Variants in MEAF6 observed in about 807,000 individuals in gnomAD.
MEAF6 encodes MYST/Esa1 associated factor 6, also known as chromatin modification-related protein MEAF6.
Under a neutral mutation model 28.9 loss-of-function variants are expected in MEAF6, and 15 were observed. The ratio of observed to expected loss-of-function variants is 0.52; its 90% confidence interval spans 0.35 to 0.80. MEAF6 has a LOEUF of 0.80. Among genes scored for constraint, MEAF6 ranks in the 30% least tolerant of loss-of-function variants. The pLI is 0.01. For missense variants in MEAF6, 178 were observed against 237.5 expected (o/e 0.75, Z 1.65); for synonymous variants, 97 against 88.7 (o/e 1.09, Z -0.53).
intron 5 of MEAF6, among the ~76,000 whole-genome samples, chr1:37,497,452 C>T (rs893320024): frequency 2.6e-5 from 4 of 152,158 alleles, no homozygotes; most frequent in Non-Finnish European, 4.4e-5. Flanking sequence ...AATGAATAAA[C>T]TTCAGTGGTG....
At chr1:37,501,779 C>T (rs367826802) in intron 5 of MEAF6, 25 bp downstream of exon 5, 33 of 1,530,462 alleles carry the variant, frequency 2.2e-5, no homozygotes, top group Non-Finnish European at 2.7e-5. Context: ...ATGGGAGCTG[C>T]GGGGGTGGGA....
rs1641939702 is a variant in MEAF6, at chr1:37,491,786, T to C, written c.*2313A>G. ...AGCAGTACTATTCTGTCTCCAGCAA[T>C]GTCAAACTATGAGAGTCAAAAATAT... On this transcript the variant is annotated 3_prime_UTR_variant, in exon 7 of 7. Transcript: ENST00000296214. Among the ~76,000 whole-genome samples the C allele has an allele frequency of 1.3e-5, 2 of 151,844 alleles. No individual in the cohort carries two copies. The highest frequency in any genetic ancestry group is 6.6e-5 in the Admixed American group (1 of 15,256).
intron 6 of MEAF6, among the ~76,000 whole-genome samples, 169 bp downstream of exon 6, chr1:37,495,716 A>AAAAAAAAAAAACAAAAAAAAAAAC (rs1557603988): frequency 2.3e-5 from 3 of 129,708 alleles, no homozygotes; most frequent in Non-Finnish European, 5.2e-5. Flanking sequence ...AAAAAAAAAA[A>AAAAAAAAAAAACAAAAAAAAAAAC]AAACAAAAAA....
intron 4 of MEAF6, among the ~76,000 whole-genome samples, chr1:37,504,800 TACAC>T (rs143477333): frequency 0.055 from 7,385 of 135,152 alleles, 298 homozygotes; most frequent in South Asian, 0.13. Flanking sequence ...AAAATTTATA[TACAC>T]ACACACACAC....
intron 5 of MEAF6, among the ~76,000 whole-genome samples, chr1:37,499,206 T>C (rs1642217116): frequency 6.6e-6 from 1 of 152,188 alleles, no homozygotes; most frequent in Non-Finnish European, 1.5e-5. Flanking sequence ...TATTTCCTTT[T>C]GCTTAAGTGC....
intron 4 of MEAF6, among the ~76,000 whole-genome samples, chr1:37,505,611 A>G (rs4653295): frequency 0.42 from 64,031 of 152,054 alleles, 14,295 homozygotes; most frequent in East Asian, 0.58. Context: ...AGAGCTATGA[A>G]GCTATTATAC....
chr1:37,496,815 A>T, intron 5 of MEAF6: 6 of 1,440,160 alleles, frequency 4.2e-6, no homozygotes, highest in South Asian at 1.5e-5. Flanking sequence ...TAGCCACCCT[A>T]GCAAGAATTG....
Position 37,495,870 on chromosome 1 carries a change from C to G in MEAF6, c.567+15G>C, listed in dbSNP as rs1256154512. The G allele has an allele frequency of 6.2e-7, 1 of 1,613,728 alleles. No homozygotes were observed. Among genetic ancestry groups the G allele is most frequent in the South Asian group, 1.1e-5 (1 of 91,064 alleles). The stretch of plus-strand genomic sequence containing the variant: ...AAATTGCCAGCCTCTCTGAAGTGGT[C>G]CGGCTGATACTTACAGCTCGTGGTT... On this transcript the variant is annotated intron_variant, in intron 6 of 6. Coordinates refer to ENST00000296214, the MANE Select transcript of MEAF6 (RefSeq NM_001270875.3).
In MEAF6 at chr1:37,493,928, A is replaced by G; in HGVS notation, c.*171T>C. 1 of 1,579,438 alleles carries G rather than the reference A, an allele frequency of 6.3e-7. No individual in the cohort carries two copies. Among genetic ancestry groups the G allele is most frequent in the South Asian group, 1.2e-5 (1 of 86,414 alleles). ...AAAGTAAGACCCAATGTCTTACAGA[A>G]ATGACTTGTTTGTCACCACATTTAG... On this transcript the variant is annotated 3_prime_UTR_variant, in exon 7 of 7. Coordinates refer to ENST00000296214, the MANE Select transcript of MEAF6 (RefSeq NM_001270875.3).
chr1:37,493,406 G>A lies in MEAF6; in HGVS notation c.*693C>T, dbSNP rs1181034402. 3.3e-5 allele frequency: 8 copies of A among 242,276 alleles called. No individual in the cohort carries two copies. The Admixed American group carries it at 4.4e-4, about 13-fold the overall frequency. 15.0% of individuals were successfully genotyped at this position (242,276 alleles called of 1,614,324 possible). A position where few individuals can be genotyped will look rare whatever the true frequency, so the allele number is the denominator to read the frequency against. ...TGTTTTTCCATTTTTCCTGTTCCTT[G>A]AACATGAATCTACTACCAACTCAGA... On this transcript the variant is annotated 3_prime_UTR_variant, in exon 7 of 7. Transcript: ENST00000296214.
intron 5 of MEAF6, among the ~76,000 whole-genome samples, chr1:37,497,740 T>C (rs1214507383): frequency 2.6e-5 from 4 of 152,078 alleles, no homozygotes; most frequent in African/African-American, 9.7e-5. Flanking sequence ...TACAGGCGCC[T>C]GCCACTAGGT....
intron 6 of MEAF6, among the ~76,000 whole-genome samples, chr1:37,495,594 A>C (rs574647394): frequency 1.4e-5 from 2 of 144,588 alleles, no homozygotes; most frequent in Admixed American, 1.4e-4. Context: ...GCTACTCGGG[A>C]GGCCAAGCAC....
chr1:37,490,787 G>A lies in MEAF6; in HGVS notation c.*3312C>T, dbSNP rs1048959989. On this transcript the variant is annotated 3_prime_UTR_variant, in exon 7 of 7. Coordinates refer to ENST00000296214, the MANE Select transcript of MEAF6 (RefSeq NM_001270875.3). ...CACGCCTGTAATCCTAGCACTTTGG[G>A]AGGCTGAGGCAGGTGGATTACGAAG... is the stretch of plus-strand genomic sequence containing the variant. Among the ~76,000 whole-genome samples the A allele has an allele frequency of 6.6e-6, 1 of 152,188 alleles. No individual in the cohort carries two copies. Among genetic ancestry groups the A allele is most frequent in the African/African-American group, 2.4e-5 (1 of 41,438 alleles).
chr1:37,504,462 G>A (rs553170147), intron 4 of MEAF6, among the ~76,000 whole-genome samples: 2 of 152,108 alleles, frequency 1.3e-5, no homozygotes, highest in East Asian at 3.9e-4. Flanking sequence ...CTCAACTGTT[G>A]AAGGATCCTA....
chr1:37,506,657 T>G (rs35275661), intron 4 of MEAF6, among the ~76,000 whole-genome samples: 27,603 of 152,156 alleles, frequency 0.18, 3,080 homozygotes, highest in Non-Finnish European at 0.25. Flanking sequence ...TGCTGGAATT[T>G]TAAGTGTGAG....
At chr1:37,498,272 T>C (rs115539702) in intron 5 of MEAF6, among the ~76,000 whole-genome samples, 74 of 152,250 alleles carry the variant, frequency 4.9e-4, no homozygotes, top group African/African-American at 1.6e-3. Context: ...CTAGGAATTA[T>C]CAAATATTTC....
At chr1:37,510,084 T>TG (rs1372480739) in intron 2 of MEAF6, among the ~76,000 whole-genome samples, 12 of 150,952 alleles carry the variant, frequency 7.9e-5, no homozygotes, top group Non-Finnish European at 1.6e-4. Context: ...GACATTTTTT[T>TG]TTTTTTTTTT....
intron 4 of MEAF6, among the ~76,000 whole-genome samples, chr1:37,508,051 C>T (rs1569982519): frequency 6.6e-6 from 1 of 151,946 alleles, no homozygotes; most frequent in Non-Finnish European, 1.5e-5. Context: ...GAGAACAGGT[C>T]GTATTTCAAG....
intron 4 of MEAF6, among the ~76,000 whole-genome samples, chr1:37,502,462 C>T (rs754877655): frequency 1.5e-4 from 23 of 151,560 alleles, no homozygotes; most frequent in African/African-American, 5.1e-4. Flanking sequence ...ACAAAAAAAA[C>T]TACAGTGACT....
Sources: allele counts gnomAD v4.1 joint callset (sites outside exome capture counted in the v4.1 genomes callset), GRCh38; gene constraint gnomAD v4.1.1; transcripts MANE v1.5; gene names NCBI Gene and HGNC (gene_info 2026-07-23, HGNC 2026-07-21).